DNM2: variants seen among roughly 807,000 people sequenced by gnomAD.
DNM2 encodes dynamin 2, also known as dynamin-2.
In DNM2, 15 loss-of-function variants were observed where a neutral mutation model predicts 99.0. The observed-to-expected ratio is 0.15, with a 90% confidence interval of 0.10 to 0.23. DNM2 has a LOEUF of 0.23. DNM2 is among the 10% of genes least tolerant of loss of function. The pLI is 1.00. For missense variants in DNM2, 742 were observed against 1,189.4 expected, an observed-to-expected ratio of 0.62 and a Z score of 5.53; for synonymous variants, 525 against 481.2, an observed-to-expected ratio of 1.09 and a Z score of -1.19.
chr19:10,808,775 C>CACTA (rs1440618733), intron 14 of DNM2, 195 bp downstream of exon 14: 2 of 547,548 alleles, frequency 3.7e-6, no homozygotes, highest in Non-Finnish European at 6.2e-6. Flanking sequence ...CTCACACAGG[C>CACTA]ACTAACTGGA....
In DNM2 at chr19:10,783,015, C is replaced by A. The variant is rs572493411; in HGVS notation, c.744C>A (p.Ile248=). ...SQKDIEGKKD[I]RAALAAERKF... is the part of the protein sequence containing the mutation. Reference sequence around the variant, plus strand: ...AGGATATTGAGGGCAAGAAGGACATCCGTGCAGCACTGGCAGCTGAGAGGA... The same window carrying A: ...AGGATATTGAGGGCAAGAAGGACATACGTGCAGCACTGGCAGCTGAGAGGA... Residue 248 remains isoleucine, a synonymous_variant, in exon 6 of 21, where the codon ATC becomes ATA. Coordinates refer to ENST00000389253, the MANE Select transcript of DNM2 (RefSeq NM_001005361.3). The A allele has an allele frequency of 6.2e-7, 1 of 1,614,180 alleles. No homozygotes were observed. Among genetic ancestry groups the A allele is most frequent in the Admixed American group, 1.7e-5 (1 of 60,028 alleles).
rs933031776 is a variant in DNM2 at position 10,811,378 on chromosome 19, T to C, written c.1558-886T>C. ...AGCATCTGGGCCCCAGAGGGATTCC[T>C]GGAGGCCCCATCTCTGGCGCTCCTG... On this transcript the variant is annotated intron_variant, in intron 14 of 20. Transcript: ENST00000389253. This position sits in a 1 kb window ranked among gnomAD's most constrained non-coding sequence, Gnocchi z 5.4. The C allele has an allele frequency of 2.6e-5, 7 of 273,142 alleles. No homozygotes were observed. The highest frequency in any genetic ancestry group is 4.4e-5 in the Non-Finnish European group (6 of 136,590). The allele number at this position is 273,142 out of a possible 1,614,324, so 16.9% of individuals were successfully genotyped here.
At chr19:10,819,085 A>G (rs775941907) in intron 15 of DNM2, among the ~76,000 whole-genome samples, 9 of 152,162 alleles carry the variant, frequency 5.9e-5, no homozygotes, top group Non-Finnish European at 1.3e-4. Flanking sequence ...CAGTCTGGAC[A>G]GCCGTGGCTG....
At chr19:10,827,130 T>A (rs1358098787) in intron 18 of DNM2, among the ~76,000 whole-genome samples, 1 of 152,144 alleles carries the variant, frequency 6.6e-6, no homozygotes, top group African/African-American at 2.4e-5. Context: ...CCTCCCACCC[T>A]GTTGCTCCCA....
intron 6 of DNM2, among the ~76,000 whole-genome samples, chr19:10,783,699 A>ATTTTTTTTT (rs35245958): frequency 7.1e-6 from 1 of 141,608 alleles, no homozygotes; most frequent in Non-Finnish European, 1.5e-5. Context: ...TATTATTATT[A>ATTTTTTTTT]TTATTATTTT....
At chr19:10,725,940 G>T (rs1421083926) in intron 1 of DNM2, among the ~76,000 whole-genome samples, 1 of 152,000 alleles carries the variant, frequency 6.6e-6, no homozygotes, top group Non-Finnish European at 1.5e-5. Flanking sequence ...AATTTTTTTG[G>T]CAGGGAGCGA....
intron 14 of DNM2, chr19:10,810,175 G>GC: frequency 6.5e-6 from 1 of 153,636 alleles, no homozygotes; most frequent in Non-Finnish European, 1.4e-5. Context: ...CTGCTTTGCC[G>GC]CCCCCTGCCT....
chr19:10,760,985 T>TTTTA (rs1164538708), intron 2 of DNM2, among the ~76,000 whole-genome samples: 4 of 151,628 alleles, frequency 2.6e-5, no homozygotes, highest in East Asian at 1.9e-4. Context: ...TTATTTTTTA[T>TTTTA]TTTATTTATT....
chr19:10,785,227 C>T (rs1247371228), intron 6 of DNM2, among the ~76,000 whole-genome samples: 3 of 152,178 alleles, frequency 2.0e-5, no homozygotes, highest in Admixed American at 1.3e-4. Flanking sequence ...ACACCATTCT[C>T]CTGCCTCAGC....
At chr19:10,760,708 C>T (rs1212026601) in intron 2 of DNM2, among the ~76,000 whole-genome samples, 1 of 151,874 alleles carries the variant, frequency 6.6e-6, no homozygotes, top group Admixed American at 6.6e-5. Flanking sequence ...GTTCCCCAGG[C>T]CGTGCAGTGG....
rs2072766997 is a variant in DNM2 at position 10,817,016 on chromosome 19, C to T, written c.1672-2964C>T. Among the ~76,000 whole-genome samples, 2 of 152,166 alleles carry T rather than the reference C, an allele frequency of 1.3e-5. No individual in the cohort carries two copies. Among genetic ancestry groups the T allele is most frequent in the Admixed American group, 1.3e-4 (2 of 15,280 alleles). ...CCCTGTGTGAGCCCCAGACACAAAG[C>T]AGGCTCCATTCAGGAGGGGGCAGCC... On this transcript the variant is annotated intron_variant, in intron 15 of 20. Coordinates refer to ENST00000389253, the MANE Select transcript of DNM2 (RefSeq NM_001005361.3). The surrounding 1 kb of genome is among the most constrained non-coding windows in gnomAD (Gnocchi z 4.6).
intron 17 of DNM2, chr19:10,824,337 A>C (rs2073075704): frequency 4.1e-6 from 1 of 241,618 alleles, no homozygotes; most frequent in Non-Finnish European, 8.3e-6. Context: ...CCCCGTCTCT[A>C]CTAAAACTAC....
chr19:10,773,823 G>A (rs1206314566), intron 3 of DNM2, among the ~76,000 whole-genome samples: 1 of 151,832 alleles, frequency 6.6e-6, no homozygotes, highest in East Asian at 1.9e-4. Flanking sequence ...ATGTTGGCCA[G>A]GCTGGTCTCG....
In DNM2 at chr19:10,818,071, CA is replaced by C. The variant is rs1309707940; in HGVS notation, c.1672-1905del. ...CTCCCCTAGCCCCTTCTAAAGCCCC[CA>C]AAACTCTTCCCCGAAAGGTGGGAGG... On this transcript the variant is annotated intron_variant, in intron 15 of 20. Coordinates refer to ENST00000389253, the MANE Select transcript of DNM2 (RefSeq NM_001005361.3). This position sits in a 1 kb window ranked among gnomAD's most constrained non-coding sequence, Gnocchi z 4.3. Among the ~76,000 whole-genome samples, 2 of 152,094 alleles carry C rather than the reference CA, an allele frequency of 1.3e-5. No individual in the cohort carries two copies. Among genetic ancestry groups the C allele is most frequent in the Non-Finnish European group, 2.9e-5 (2 of 67,994 alleles).
intron 1 of DNM2, among the ~76,000 whole-genome samples, chr19:10,758,026 C>T (rs992410559): frequency 6.6e-6 from 1 of 151,892 alleles, no homozygotes; most frequent in Non-Finnish European, 1.5e-5. Flanking sequence ...ACAGAATTTC[C>T]TTTCGAGCCT....
At chr19:10,757,253 G>C (rs1432709069) in intron 1 of DNM2, among the ~76,000 whole-genome samples, 1 of 151,142 alleles carries the variant, frequency 6.6e-6, no homozygotes, top group African/African-American at 2.4e-5. Flanking sequence ...GAGGGCTTGG[G>C]CTGACTTGTT....
At chr19:10,751,358 G>A (rs1219484422) in intron 1 of DNM2, among the ~76,000 whole-genome samples, 1 of 152,152 alleles carries the variant, frequency 6.6e-6, no homozygotes, top group East Asian at 1.9e-4. Context: ...AAAGGGAGAG[G>A]AGAGGAGTAG....
intron 1 of DNM2, among the ~76,000 whole-genome samples, chr19:10,719,761 A>T (rs1232061045): frequency 6.6e-6 from 1 of 152,122 alleles, no homozygotes; most frequent in Non-Finnish European, 1.5e-5. Flanking sequence ...TCTTGATTCA[A>T]CATCTTGAAT....
At chr19:10,767,406 G>T (rs2070833244) in intron 2 of DNM2, among the ~76,000 whole-genome samples, 1 of 152,168 alleles carries the variant, frequency 6.6e-6, no homozygotes, top group South Asian at 2.1e-4. Flanking sequence ...CAACCTCCCA[G>T]GCTCAAGCAG....
Sources: gnomAD v4.1 joint callset for allele counts (sites outside exome capture counted in the v4.1 genomes callset) on GRCh38, gnomAD v4.1.1 for gene constraint, Gnocchi (gnomAD v3.1) non-coding constraint, MANE v1.5 for transcripts, NCBI Gene and HGNC (gene_info 2026-07-23, HGNC 2026-07-21) for gene names.